SPATA31C1: variants seen among roughly 807,000 people sequenced by gnomAD.
SPATA31C1 encodes the protein SPATA31 subfamily C member 1.
At chr9:87,922,559 G>A (rs1451813359) in exon 5 of SPATA31C1, 1 of 1,610,204 alleles carries the variant, frequency 6.2e-7, no homozygotes, top group African/African-American at 1.3e-5. Context: ...CCGCTGTTGT[G>A]CTCCTTCCAG....
At chr9:87,919,263 T>TGTCTCCCAGCGTCATCTC in intron 2 of SPATA31C1, 1 of 1,599,794 alleles carries the variant, frequency 6.3e-7, no homozygotes. Context: ...AGCGTCATCT[T>TGTCTCCCAGCGTCATCTC]GTCTCCCAGC....
intron 1 of SPATA31C1, among the ~76,000 whole-genome samples, chr9:87,916,599 G>A (rs550758436): frequency 6.7e-6 from 1 of 150,210 alleles, no homozygotes; most frequent in South Asian, 2.2e-4. Flanking sequence ...GGCATGAACC[G>A]ATATTTCACT....
intron 2 of SPATA31C1, 21 bp from the exon 2 acceptor site, chr9:87,919,234 T>A (rs760275504): frequency 8.8e-6 from 6 of 685,076 alleles, no homozygotes; most frequent in Non-Finnish European, 1.2e-5. Flanking sequence ...TCCTAGCTCC[T>A]CGCCATTTCT....
chr9:87,921,718 G>C (rs754988600), exon 5 of SPATA31C1: 3 of 1,612,056 alleles, frequency 1.9e-6, no homozygotes, highest in Admixed American at 3.3e-5. Flanking sequence ...AGTGTGCGTC[G>C]ATCCTGGCTT....
At chr9:87,921,912 C>T (rs1342084382) in exon 5 of SPATA31C1, 5 of 1,612,046 alleles carry the variant, frequency 3.1e-6, no homozygotes, top group Non-Finnish European at 4.2e-6. Context: ...GGGTCTACCC[C>T]TCAGGGTCCT....
At chr9:87,921,574 A>C in exon 5 of SPATA31C1, 1 of 1,612,000 alleles carries the variant, frequency 6.2e-7, no homozygotes, top group Non-Finnish European at 8.5e-7. Context: ...TCAGAAAGGA[A>C]CCTGAGGAAG....
At chr9:87,922,891 G>A (rs553613518) in exon 5 of SPATA31C1, 44 of 1,605,390 alleles carry the variant, frequency 2.7e-5, no homozygotes, top group African/African-American at 4.0e-5. Context: ...GAAGACACCC[G>A]TCAGAATGAA....
exon 5 of SPATA31C1, chr9:87,922,151 G>T (rs764026185): frequency 6.2e-7 from 1 of 1,613,484 alleles, no homozygotes; most frequent in Non-Finnish European, 8.5e-7. Flanking sequence ...AGCAGTTCCA[G>T]AGGGCCCCGC....
At chr9:87,916,491 A>G (rs372151104) in intron 1 of SPATA31C1, among the ~76,000 whole-genome samples, 366 of 147,040 alleles carry the variant, frequency 2.5e-3, no homozygotes, top group African/African-American at 8.6e-3. Context: ...CTGATAAACC[A>G]TATCTGACAA....
chr9:87,920,229 C>A (rs781289397), intron 4 of SPATA31C1, 23 bp from the exon 4 acceptor site: 1 of 1,612,140 alleles, frequency 6.2e-7, no homozygotes, highest in Admixed American at 1.7e-5. Flanking sequence ...CTGGCTGCAG[C>A]TTGTGCCTCC....
chr9:87,915,540 A>G (rs1198157252), intron 1 of SPATA31C1, among the ~76,000 whole-genome samples: 1 of 145,084 alleles, frequency 6.9e-6, no homozygotes, highest in South Asian at 2.3e-4. Context: ...ACTTTAGGTG[A>G]TCCACCTGCC....
rs769942969 is a variant in SPATA31C1 at position 87,921,291 on chromosome 9, T to C, written n.1681T>C. The C allele has an allele frequency of 2.1e-4, 334 of 1,611,362 alleles. 1 individual carries two copies. Among genetic ancestry groups the C allele is most frequent in the East Asian group, 1.1e-3 (49 of 44,656 alleles). ...TGAACTCTGGAGACAACTGGAGCAA[T>C]ACATGGGGCAACGTGGAAGGATCCA... On this transcript the variant is annotated non_coding_transcript_exon_variant, in exon 5 of 5. Coordinates refer to ENST00000420021, the Ensembl canonical transcript of SPATA31C1.
exon 5 of SPATA31C1, chr9:87,920,796 G>A (rs367670301): frequency 6.2e-7 from 1 of 1,613,918 alleles, no homozygotes; most frequent in South Asian, 1.1e-5. Context: ...CTGGTCGCAG[G>A]AGACTACCAA....
chr9:87,921,235 C>A, exon 5 of SPATA31C1: 1 of 1,611,968 alleles, frequency 6.2e-7, no homozygotes, highest in Non-Finnish European at 8.5e-7. Flanking sequence ...AGACTGACAT[C>A]CATTCTGCCT....
At chr9:87,920,412 C>T (rs1213771177) in exon 5 of SPATA31C1, 1 of 1,613,980 alleles carries the variant, frequency 6.2e-7, no homozygotes. Context: ...TTCCCCGGAT[C>T]CTCGAACCAA....
At chr9:87,919,170 C>G (rs1828777932) in intron 2 of SPATA31C1, 85 bp from the exon 2 acceptor site, 2 of 1,575,290 alleles carry the variant, frequency 1.3e-6, no homozygotes, top group Non-Finnish European at 1.7e-6. Flanking sequence ...CAGACAGAGC[C>G]ATGCGGTTCA....
chr9:87,920,121 G>C, intron 4 of SPATA31C1, 131 bp from the exon 4 acceptor site: 1 of 1,601,314 alleles, frequency 6.2e-7, no homozygotes, highest in South Asian at 1.1e-5. Flanking sequence ...GGTAGCAGGA[G>C]AATTGGGTGG....
exon 5 of SPATA31C1, chr9:87,922,271 G>A (rs2118001257): frequency 6.2e-7 from 1 of 1,612,672 alleles, no homozygotes; most frequent in African/African-American, 1.3e-5. Flanking sequence ...GCAGCACCCA[G>A]CAGAGCAGGA....
rs191720172 is a variant in SPATA31C1, at chr9:87,920,726, G to A, written n.1116G>A. ...GCTTGTCTCCACGTGAGGATTTGGC[G>A]GCTTCTGTCCCAGCCATCTCAGGCC... is the stretch of plus-strand genomic sequence containing the variant. On this transcript the variant is annotated non_coding_transcript_exon_variant, in exon 5 of 5. Coordinates refer to ENST00000420021, the Ensembl canonical transcript of SPATA31C1. The A allele has an allele frequency of 7.3e-4, 1,171 of 1,613,948 alleles. 11 individuals carry two copies. The African/African-American group carries it at 0.014, about 19-fold the overall frequency.
Sources: allele counts gnomAD v4.1 joint callset (sites outside exome capture counted in the v4.1 genomes callset), GRCh38; gene constraint gnomAD v4.1.1; transcripts MANE v1.5; gene names NCBI Gene and HGNC (gene_info 2026-07-23, HGNC 2026-07-21).